The following FKBP15 variants were observed in gnomAD, a reference collection of about 807,000 sequenced individuals.
The protein encoded by FKBP15 is FKBP prolyl isomerase family member 15.
In FKBP15, 106 loss-of-function variants were observed where a neutral mutation model predicts 158.1. The ratio of observed to expected loss-of-function variants is 0.67; its 90% confidence interval spans 0.57 to 0.79. The LOEUF (loss-of-function observed/expected upper bound fraction) is 0.79, where lower values mean the gene tolerates loss of function less well. Among genes scored for constraint, FKBP15 ranks in the 30% least tolerant of loss-of-function variants. The probability of loss-of-function intolerance (pLI) is 0.00; values close to 1 mark genes in which losing one functional copy is unlikely to be tolerated. For synonymous variants in FKBP15, 547 were observed against 548.6 expected, an observed-to-expected ratio of 1.00 and a Z score of 0.04; for missense variants, 1,287 against 1,479.1, an observed-to-expected ratio of 0.87 and a Z score of 2.13.
intron 6 of FKBP15, 130 bp downstream of exon 6, chr9:113,202,401 T>C (rs1830809247): frequency 1.7e-6 from 1 of 578,992 alleles, no homozygotes; most frequent in Non-Finnish European, 3.0e-6. Context: ...AAGTGGCAAA[T>C]TTAGTGGGTT....
rs148836874 is a variant in FKBP15, at chr9:113,220,814, G to A, written c.53+377C>T. On this transcript the variant is annotated intron_variant, in intron 1 of 27. Coordinates refer to ENST00000238256, the MANE Select transcript of FKBP15 (RefSeq NM_015258.2). ...GCTAGAGCTGACCCACCAAGGCCTG[G>A]TTCTAAAGTGTCTTCGCCTTCTCCA... 8.2e-3 allele frequency among the ~76,000 whole-genome samples: 1,243 copies of A among 152,308 alleles called. 19 individuals carry two copies. The highest frequency in any genetic ancestry group is 0.028 in the African/African-American group (1,182 of 41,554).
At chr9:113,186,223 G>A (rs866188549) in intron 15 of FKBP15, 26 bp downstream of exon 15, 2 of 1,493,054 alleles carry the variant, frequency 1.3e-6, no homozygotes, top group Non-Finnish European at 1.8e-6. Context: ...AGCGGAAGAT[G>A]AGAAACTGAG....
At chr9:113,199,382 A>C (rs1186476819) in intron 7 of FKBP15, among the ~76,000 whole-genome samples, 1 of 152,236 alleles carries the variant, frequency 6.6e-6, no homozygotes, top group Non-Finnish European at 1.5e-5. Flanking sequence ...TCTTTCTCTC[A>C]TATAATATAT....
In FKBP15 at chr9:113,184,841, T is replaced by G; in HGVS notation, c.1499-37A>C. On this transcript the variant is annotated intron_variant, in intron 15 of 27. Coordinates refer to ENST00000238256, the MANE Select transcript of FKBP15 (RefSeq NM_015258.2). The surrounding 1 kb of genome is among the most constrained non-coding windows in gnomAD (Gnocchi z 4.5). ...CAAGCCAAAAAGAAACTTATGAAAC[T>G]GGAGCAGAGGAAACTGTATGAAGAA... 1 of 1,493,122 alleles carries G rather than the reference T, an allele frequency of 6.7e-7. No individual in the cohort carries two copies. The highest frequency in any genetic ancestry group is 9.2e-7 in the Non-Finnish European group (1 of 1,092,136). The allele number at this position is 1,493,122 out of a possible 1,614,324, so 92.5% of individuals were successfully genotyped here.
chr9:113,200,284 A>C (rs1368011158), intron 6 of FKBP15, among the ~76,000 whole-genome samples: 1 of 152,208 alleles, frequency 6.6e-6, no homozygotes, highest in Non-Finnish European at 1.5e-5. Flanking sequence ...TAAATGAGCT[A>C]ATATAAGTAG....
At chr9:113,210,291 T>A (rs545367779) in intron 2 of FKBP15, among the ~76,000 whole-genome samples, 1 of 150,946 alleles carries the variant, frequency 6.6e-6, no homozygotes, top group East Asian at 2.0e-4. Context: ...AACCCTTCCA[T>A]CTAACCTGTT....
At chr9:113,195,210 T>C (rs192658502) in intron 9 of FKBP15, among the ~76,000 whole-genome samples, 39 of 152,336 alleles carry the variant, frequency 2.6e-4, no homozygotes, top group African/African-American at 6.5e-4. Flanking sequence ...AATGGGTTAA[T>C]ATATACCATT....
rs1458793216 is a variant in FKBP15, at chr9:113,216,242, G to A, written c.54-4650C>T. Among the ~76,000 whole-genome samples, 5 of 152,192 alleles carry A rather than the reference G, an allele frequency of 3.3e-5. No individual in the cohort carries two copies. In the South Asian group the frequency reaches 6.2e-4, roughly 19 times the overall value. ...TTCTCCAAAGGCATCCTTAGTTTAG[G>A]TGAAGTAAACATTGAAACTTCCCAA... is the stretch of plus-strand genomic sequence containing the variant. On this transcript the variant is annotated intron_variant, in intron 1 of 27. Coordinates refer to ENST00000238256, the MANE Select transcript of FKBP15 (RefSeq NM_015258.2).
intron 1 of FKBP15, among the ~76,000 whole-genome samples, chr9:113,217,057 C>A (rs915190048): frequency 6.6e-6 from 1 of 151,784 alleles, no homozygotes; most frequent in Admixed American, 6.6e-5. Flanking sequence ...GTGCCCGCCA[C>A]CAGGCCTGGC....
At chr9:113,188,931 G>A (rs1241923691) in intron 12 of FKBP15, among the ~76,000 whole-genome samples, 1 of 152,186 alleles carries the variant, frequency 6.6e-6, no homozygotes, top group South Asian at 2.1e-4. Context: ...GGTACTCAAT[G>A]AAAATCAGAT....
Position 113,184,480 on chromosome 9 carries a change from T to G in FKBP15, c.1609-81A>C. The G allele has an allele frequency of 8.6e-7, 1 of 1,166,124 alleles. No individual in the cohort carries two copies. Among genetic ancestry groups the G allele is most frequent in the Non-Finnish European group, 1.3e-6 (1 of 799,830 alleles). The allele number at this position is 1,166,124 out of a possible 1,614,324, so 72.2% of individuals were successfully genotyped here. ...ATTTACCCAAGATTTGACCCTGTTG[T>G]TAAGGGGGTTAATGAGTTCCTGGGA... On this transcript the variant is annotated intron_variant, in intron 16 of 27. Coordinates refer to ENST00000238256, the MANE Select transcript of FKBP15 (RefSeq NM_015258.2). The surrounding 1 kb of genome is among the most constrained non-coding windows in gnomAD (Gnocchi z 4.5).
At chr9:113,178,040 A>C (rs1371429535) in intron 20 of FKBP15, among the ~76,000 whole-genome samples, 1 of 152,198 alleles carries the variant, frequency 6.6e-6, no homozygotes, top group Non-Finnish European at 1.5e-5. Context: ...CTTCTGAAAG[A>C]GGCAGATTTT....
chr9:113,184,452 A>G lies in FKBP15; in HGVS notation c.1609-53T>C, dbSNP rs754575240. ...GTGAGAAATTATAAAATGAAGAAAT[A>G]CAATTTACCCAAGATTTGACCCTGT... On this transcript the variant is annotated intron_variant, in intron 16 of 27. Transcript: ENST00000238256. This position sits in a 1 kb window ranked among gnomAD's most constrained non-coding sequence, Gnocchi z 4.5. 1 of 1,374,732 alleles carries G rather than the reference A, an allele frequency of 7.3e-7. No homozygotes were observed. Among genetic ancestry groups the G allele is most frequent in the Non-Finnish European group, 1.0e-6 (1 of 985,162 alleles). The allele number at this position is 1,374,732 out of a possible 1,614,324, so 85.2% of individuals were successfully genotyped here.
chr9:113,210,211 C>T (rs2033427931), intron 2 of FKBP15, among the ~76,000 whole-genome samples: 1 of 152,286 alleles, frequency 6.6e-6, no homozygotes, highest in East Asian at 1.9e-4. Context: ...GAAGCACTCA[C>T]CACTGGGGGT....
At chr9:113,180,277 A>C (rs59964572) in intron 19 of FKBP15, among the ~76,000 whole-genome samples, 2,135 of 152,128 alleles carry the variant, frequency 0.014, 43 homozygotes, top group African/African-American at 0.049. Context: ...ACAGAAAATA[A>C]GGGAATGGAT....
rs1164565588 is a variant in FKBP15 at position 113,178,750 on chromosome 9, G to A, written c.1966C>T (p.Gln656Ter). Reference protein sequence around the residue: ...AAATAQVSHLQLKMTAHQKKE... With the variant: ...AAATAQVSHL ...TTTTGGTGAGCAGTCATTTTCAGCT[G>A]CAGATGAGAGACCTGTGCAGTGGCC... Residue 656 changes from glutamine to a stop codon, truncating the protein, a stop_gained, in exon 20 of 28, where the codon CAG (glutamine) becomes TAG (stop). Coordinates refer to ENST00000238256, the MANE Select transcript of FKBP15 (RefSeq NM_015258.2). LOFTEE classifies it high-confidence loss of function. 3.7e-6 allele frequency: 6 copies of A among 1,609,436 alleles called. No homozygotes were observed. Among genetic ancestry groups the A allele is most frequent in the African/African-American group, 1.3e-5 (1 of 74,960 alleles).
intron 1 of FKBP15, among the ~76,000 whole-genome samples, chr9:113,217,446 A>C (rs192342397): frequency 8.9e-4 from 134 of 150,128 alleles, no homozygotes; most frequent in African/African-American, 3.1e-3. Context: ...TCCTGACCTC[A>C]TGATCCACCT....
intron 20 of FKBP15, among the ~76,000 whole-genome samples, chr9:113,178,285 C>T (rs1359269406): frequency 1.3e-5 from 2 of 152,114 alleles, no homozygotes; most frequent in African/African-American, 4.8e-5. Context: ...AGAAACCACA[C>T]CAGGAAGCAT....
rs1172859135 is a variant in FKBP15 at position 113,206,401 on chromosome 9, T to G, written c.324+108A>C. On this transcript the variant is annotated intron_variant, in intron 4 of 27. Transcript: ENST00000238256. ...ATAAATTAACATTCAATACAAATAA[T>G]CATCCTTATCTTCTGATAAACAAGA... 6.1e-6 allele frequency: 5 copies of G among 815,124 alleles called. No individual in the cohort carries two copies. In the East Asian group the frequency reaches 1.0e-4, roughly 16 times the overall value. The allele number at this position is 815,124 out of a possible 1,614,324, so 50.5% of individuals were successfully genotyped here.
Sources: gnomAD v4.1 joint callset for allele counts (sites outside exome capture counted in the v4.1 genomes callset) on GRCh38, gnomAD v4.1.1 for gene constraint, Gnocchi (gnomAD v3.1) non-coding constraint, MANE v1.5 for transcripts, NCBI Gene and HGNC (gene_info 2026-07-23, HGNC 2026-07-21) for gene names.